Variants in PIK3CD observed in about 807,000 individuals in gnomAD.
PIK3CD encodes the protein phosphatidylinositol-4,5-bisphosphate 3-kinase catalytic subunit delta, also known as phosphatidylinositol 4,5-bisphosphate 3-kinase catalytic subunit delta isoform.
A neutral mutation model predicts 122.9 loss-of-function variants in PIK3CD; 20 were observed. The observed-to-expected ratio is 0.16, with a 90% confidence interval of 0.11 to 0.24. PIK3CD has a LOEUF of 0.24. Among genes scored for constraint, PIK3CD ranks in the 10% least tolerant of loss-of-function variants. The pLI, the probability that PIK3CD is intolerant of heterozygous loss-of-function variation, is 1.00. For missense variants in PIK3CD, 787 were observed against 1,406.3 expected (o/e 0.56, Z 7.04); for synonymous variants, 596 against 593.4 (o/e 1.00, Z -0.06).
the PIK3CD span, among the ~76,000 whole-genome samples, chr1:9,634,145 GGTT>G: frequency 0.06 from 6,852 of 113,584 alleles, 595 homozygotes; most frequent in East Asian, 0.19. Flanking sequence ...TTAATTTTTG[GGTT>G]GTTTTTTTTT....
Position 9,723,416 on chromosome 1 carries a change from A to C in PIK3CD, c.2594+124A>C. On this transcript the variant is annotated intron_variant, in intron 20 of 23. Transcript: ENST00000377346. The surrounding 1 kb of genome is among the most constrained non-coding windows in gnomAD (Gnocchi z 4.9). The stretch of plus-strand genomic sequence containing the variant: ...GACCATCTTTGTGGCTACTTGGCTC[A>C]GTTGAGGACCAGCCTGTGTCTGGGT... The C allele has an allele frequency of 3.0e-6, 3 of 987,352 alleles. No homozygotes were observed. Among genetic ancestry groups the C allele is most frequent in the East Asian group, 2.5e-5 (1 of 40,020 alleles). 61.2% of individuals were successfully genotyped at this position (987,352 alleles called of 1,614,324 possible).
chr1:9,639,855 G>T, the PIK3CD span, among the ~76,000 whole-genome samples: 2 of 151,994 alleles, frequency 1.3e-5, no homozygotes, highest in Non-Finnish European at 2.9e-5. Context: ...TCAGCCTCCC[G>T]AGTAGCTGGG....
At chr1:9,693,918 G>T (rs1646302108) in intron 2 of PIK3CD, among the ~76,000 whole-genome samples, 1 of 152,136 alleles carries the variant, frequency 6.6e-6, no homozygotes, top group Non-Finnish European at 1.5e-5. Flanking sequence ...ACTTGAAAGA[G>T]CATGGTAGGG....
chr1:9,723,107 C>T lies in PIK3CD; in HGVS notation c.2427-18C>T, dbSNP rs758884809. On this transcript the variant is annotated intron_variant, in intron 19 of 23. Coordinates refer to ENST00000377346, the MANE Select transcript of PIK3CD (RefSeq NM_005026.5). The surrounding 1 kb of genome is among the most constrained non-coding windows in gnomAD (Gnocchi z 4.9). ...CCTTGACCATGCCATTTGCCCGTCC[C>T]TCTTCCCCCTTGCCTAGGATGACCC... 9 of 1,612,996 alleles carry T rather than the reference C, an allele frequency of 5.6e-6. No homozygotes were observed. The South Asian group carries it at 6.6e-5, about 12-fold the overall frequency.
intron 1 of PIK3CD, among the ~76,000 whole-genome samples, chr1:9,663,786 A>G (rs1457902967): frequency 1.6e-5 from 2 of 124,684 alleles, no homozygotes; most frequent in Admixed American, 2.2e-4. Flanking sequence ...TCCTGTGTCC[A>G]AGTGTTCTCA....
chr1:9,631,745 G>A, the PIK3CD span, among the ~76,000 whole-genome samples: 2 of 152,232 alleles, frequency 1.3e-5, no homozygotes, highest in Non-Finnish European at 2.9e-5. Flanking sequence ...TTCCATTCTG[G>A]TCCTGCCCAG....
In PIK3CD at chr1:9,717,406, G is replaced by C; in HGVS notation, c.931-131G>C. On this transcript the variant is annotated intron_variant, in intron 7 of 23. Transcript: ENST00000377346. The surrounding 1 kb of genome is among the most constrained non-coding windows in gnomAD (Gnocchi z 5.4). ...TTTTCTGGGAAAGGATAGCATTGTG[G>C]ACAGGCCCAAACCTGGCCGCAAACC... 1.1e-6 allele frequency: 1 copy of C among 952,260 alleles called. No individual in the cohort carries two copies. Among genetic ancestry groups the C allele is most frequent in the East Asian group, 2.5e-5 (1 of 39,976 alleles). The allele number at this position is 952,260 out of a possible 1,614,324, so 59.0% of individuals were successfully genotyped here.
chr1:9,632,861 C>CTTTTT, the PIK3CD span, among the ~76,000 whole-genome samples: 1 of 128,644 alleles, frequency 7.8e-6, no homozygotes, highest in African/African-American at 2.8e-5. Flanking sequence ...CAACCTGATT[C>CTTTTT]TTTTTTTTTT....
chr1:9,677,877 G>C (rs142856714), intron 1 of PIK3CD, among the ~76,000 whole-genome samples: 1 of 151,742 alleles, frequency 6.6e-6, no homozygotes, highest in Admixed American at 6.6e-5. Context: ...TGGGCCGGGC[G>C]TGGTGGCTCA....
At position 9,717,716 on chromosome 1, in the gene PIK3CD, G is replaced by A. The variant is rs922307853; in HGVS notation, c.1020+90G>A. On this transcript the variant is annotated intron_variant, in intron 8 of 23. Transcript: ENST00000377346. This position sits in a 1 kb window ranked among gnomAD's most constrained non-coding sequence, Gnocchi z 5.4. ...GGAGGGGTAGCAGAGGAAGGAGGGG[G>A]ATCACATGAAAGCCACCTGACCACA... 9 of 1,210,324 alleles carry A rather than the reference G, an allele frequency of 7.4e-6. No individual in the cohort carries two copies. Among genetic ancestry groups the A allele is most frequent in the Admixed American group, 1.9e-5 (1 of 51,664 alleles). 75.0% of individuals were successfully genotyped at this position (1,210,324 alleles called of 1,614,324 possible).
Position 9,692,460 on chromosome 1 carries a change from C to T in PIK3CD, c.-33+889C>T, listed in dbSNP as rs186517515. Among the ~76,000 whole-genome samples the T allele has an allele frequency of 1.6e-4, 24 of 152,324 alleles. No individual in the cohort carries two copies. In the East Asian group the frequency reaches 3.7e-3, roughly 23 times the overall value. ...TCAAAATATAGGCCGGGTGCCGTGG[C>T]TCATGCCTGTAATCCTAGCACTTTG... On this transcript the variant is annotated intron_variant, in intron 2 of 23. Coordinates refer to ENST00000377346, the MANE Select transcript of PIK3CD (RefSeq NM_005026.5).
intron 1 of PIK3CD, among the ~76,000 whole-genome samples, chr1:9,664,323 ACAGGCGTGAAC>A: frequency 6.6e-6 from 1 of 152,272 alleles, no homozygotes; most frequent in East Asian, 1.9e-4. Context: ...TACTGGGATT[ACAGGCGTGAAC>A]CACTGCACCC....
the PIK3CD span, among the ~76,000 whole-genome samples, chr1:9,629,385 A>C: frequency 6.6e-6 from 1 of 150,852 alleles, no homozygotes; most frequent in Non-Finnish European, 1.5e-5. Context: ...TCAGCAGCTG[A>C]CCCTCTCCCC....
the PIK3CD span, among the ~76,000 whole-genome samples, chr1:9,642,443 C>A: frequency 6.7e-6 from 1 of 150,160 alleles, no homozygotes; most frequent in Non-Finnish European, 1.5e-5. Flanking sequence ...CTTGGCCGGG[C>A]GCCATGGCTC....
chr1:9,716,685 C>G, intron 6 of PIK3CD, 66 bp downstream of exon 6: 1 of 1,489,290 alleles, frequency 6.7e-7, no homozygotes. Flanking sequence ...GGGTGGGAGT[C>G]GGGGAGCTGA....
chr1:9,689,509 C>T lies in PIK3CD; in HGVS notation c.-137-1958C>T, dbSNP rs1412428851. 1.4e-5 allele frequency among the ~76,000 whole-genome samples: 2 copies of T among 146,456 alleles called. No homozygotes were observed. Among genetic ancestry groups the T allele is most frequent in the African/African-American group, 4.9e-5 (2 of 40,498 alleles). On this transcript the variant is annotated intron_variant, in intron 1 of 23. Transcript: ENST00000377346. This position sits in a 1 kb window ranked among gnomAD's most constrained non-coding sequence, Gnocchi z 6.1. ...CGCCCCCAGCCGGCGCCCCGCCCCG[C>T]CTGCCAGTAGTCCCAGCCCCGCCCC...
At chr1:9,683,393 G>C (rs12096928) in intron 1 of PIK3CD, among the ~76,000 whole-genome samples, 7,632 of 150,788 alleles carry the variant, frequency 0.051, 594 homozygotes, top group African/African-American at 0.17. Context: ...AGCCGAGATC[G>C]CGCCACTGCA....
At chr1:9,664,465 G>A (rs1402398259) in intron 1 of PIK3CD, among the ~76,000 whole-genome samples, 1 of 152,228 alleles carries the variant, frequency 6.6e-6, no homozygotes, top group African/African-American at 2.4e-5. Context: ...CACAAGGGGA[G>A]GGTGAACTGG....
upstream of PIK3CD, among the ~76,000 whole-genome samples, chr1:9,651,331 T>A (rs536149921): frequency 1.6e-4 from 24 of 152,300 alleles, no homozygotes; most frequent in South Asian, 5.0e-3. Flanking sequence ...ACTGGTCACC[T>A]CGCAATGGCG....
Sources: gnomAD v4.1 joint callset for allele counts (sites outside exome capture counted in the v4.1 genomes callset) on GRCh38, gnomAD v4.1.1 for gene constraint, Gnocchi (gnomAD v3.1) non-coding constraint, MANE v1.5 for transcripts, NCBI Gene and HGNC (gene_info 2026-07-23, HGNC 2026-07-21) for gene names.